WIPF1: variants seen among roughly 807,000 people sequenced by gnomAD.
The protein encoded by WIPF1 is WAS/WASL interacting protein family member 1.
In WIPF1, 13 loss-of-function variants were observed where a neutral mutation model predicts 35.4. That is an observed-to-expected ratio of 0.37 (90% CI 0.24 to 0.58). The LOEUF is 0.58. Ranked by LOEUF, WIPF1 falls within the 20% of genes least tolerant of loss-of-function variation. WIPF1 has a pLI of 0.74. For synonymous variants in WIPF1, 267 were observed against 266.3 expected, an observed-to-expected ratio of 1.00 and a Z score of -0.02; for missense variants, 591 against 667.0, an observed-to-expected ratio of 0.89 and a Z score of 1.25.
intron 1 of WIPF1, among the ~76,000 whole-genome samples, chr2:174,672,323 C>G (rs1201707423): frequency 6.6e-6 from 1 of 152,110 alleles, no homozygotes; most frequent in African/African-American, 2.4e-5. Context: ...ATAAAATCTG[C>G]CCAGTGTACC....
chr2:174,598,132 G>A (rs1193022147), upstream of WIPF1: 5 of 152,070 alleles, frequency 3.3e-5, no homozygotes, highest in Non-Finnish European at 1.5e-5. Context: ...TTGAGTAATA[G>A]GGAAAAGAGT....
rs1490487724 is a variant in WIPF1 at position 174,560,571 on chromosome 2, A to T, written c.*1976T>A. On this transcript the variant is annotated 3_prime_UTR_variant, in exon 8 of 8. Transcript: ENST00000679041. ...CTAAATTACCAAACTGCTAGAGATT[A>T]AAAAAATTTTTTTTTAAAAAGCCAA... The T allele has an allele frequency of 2.0e-5, 3 of 152,602 alleles. No individual in the cohort carries two copies. The East Asian group carries it at 5.8e-4, about 29-fold the overall frequency. The allele number at this position is 152,602 out of a possible 1,614,324, so 9.5% of individuals were successfully genotyped here. A position where few individuals can be genotyped will look rare whatever the true frequency, so the allele number is the denominator to read the frequency against.
rs561019457 is a variant in WIPF1, at chr2:174,653,674, G to A, written c.-39+29100C>T. Among the ~76,000 whole-genome samples, 12 of 150,584 alleles carry A rather than the reference G, an allele frequency of 8.0e-5. No homozygotes were observed. In the South Asian group the frequency reaches 1.9e-3, roughly 24 times the overall value. On this transcript the variant is annotated intron_variant, in intron 1 of 8. Transcript: ENST00000272746. The stretch of plus-strand genomic sequence containing the variant: ...GGAGAATGGCGTGAACCTGGGAGGC[G>A]GAGCTTGCAGTGAGCCGAGATCACG...
chr2:174,680,079 T>C (rs1688216987), intron 1 of WIPF1, among the ~76,000 whole-genome samples: 1 of 152,258 alleles, frequency 6.6e-6, no homozygotes, highest in African/African-American at 2.4e-5. Context: ...CCCTGTTCCC[T>C]GTATTTGGTC....
chr2:174,667,550 G>A (rs1687918732), intron 1 of WIPF1, among the ~76,000 whole-genome samples: 1 of 152,170 alleles, frequency 6.6e-6, no homozygotes, highest in Non-Finnish European at 1.5e-5. Context: ...AGGATCCCTG[G>A]TCATTGTTTT....
intron 1 of WIPF1, among the ~76,000 whole-genome samples, chr2:174,647,725 G>A (rs1231201381): frequency 6.6e-6 from 1 of 151,938 alleles, no homozygotes; most frequent in Non-Finnish European, 1.5e-5. Flanking sequence ...AAGCCTCATG[G>A]CTAATGAGAA....
chr2:174,585,966 T>C (rs895562269), intron 1 of WIPF1, among the ~76,000 whole-genome samples: 6 of 152,206 alleles, frequency 3.9e-5, no homozygotes, highest in Non-Finnish European at 8.8e-5. Flanking sequence ...CAAATTCACT[T>C]CAAGTGGCTT....
intron 1 of WIPF1, among the ~76,000 whole-genome samples, chr2:174,662,445 C>T (rs1404862867): frequency 1.3e-5 from 2 of 152,178 alleles, no homozygotes; most frequent in East Asian, 1.9e-4. Context: ...GGATACAGGT[C>T]AGCTGGACCT....
intron 1 of WIPF1, among the ~76,000 whole-genome samples, chr2:174,650,329 C>G (rs1687508889): frequency 6.6e-6 from 1 of 152,198 alleles, no homozygotes; most frequent in Non-Finnish European, 1.5e-5. Flanking sequence ...ACAGAGGAAT[C>G]CCTCATTCTC....
chr2:174,617,096 A>G lies in WIPF1; in HGVS notation c.-38-31485T>C, dbSNP rs370023084. Among the ~76,000 whole-genome samples, 6 of 152,274 alleles carry G rather than the reference A, an allele frequency of 3.9e-5. No homozygotes were observed. The East Asian group carries it at 7.7e-4, about 20-fold the overall frequency. Reference sequence around the variant, plus strand: ...GTTCAGAACATTTAGGGCCCATGTTACATGTGGGGATAATTAAAATGTTTT... The same window carrying G: ...GTTCAGAACATTTAGGGCCCATGTTGCATGTGGGGATAATTAAAATGTTTT... On this transcript the variant is annotated intron_variant, in intron 1 of 8. Transcript: ENST00000272746.
chr2:174,674,890 T>C (rs1019204919), intron 1 of WIPF1, among the ~76,000 whole-genome samples: 2 of 144,024 alleles, frequency 1.4e-5, no homozygotes, highest in Non-Finnish European at 3.0e-5. Flanking sequence ...TTCTGTAAGT[T>C]GGCAGGTTCA....
At chr2:174,592,534 T>G (rs1685648906) in intron 1 of WIPF1, among the ~76,000 whole-genome samples, 2 of 151,974 alleles carry the variant, frequency 1.3e-5, no homozygotes, top group African/African-American at 4.8e-5. Flanking sequence ...ATAATATAAC[T>G]GGATAGATTC....
At chr2:174,662,153 G>A (rs1048728982) in intron 1 of WIPF1, among the ~76,000 whole-genome samples, 7 of 152,102 alleles carry the variant, frequency 4.6e-5, no homozygotes, top group African/African-American at 1.7e-4. Flanking sequence ...TAAAACCTAT[G>A]CATATCCTTC....
chr2:174,632,724 A>G (rs1207299472), intron 1 of WIPF1, among the ~76,000 whole-genome samples: 2 of 151,518 alleles, frequency 1.3e-5, no homozygotes, highest in East Asian at 1.9e-4. Context: ...AAAAAAAAAA[A>G]AAAAAAAAAA....
At chr2:174,602,960 A>G (rs1686052929) in intron 1 of WIPF1, among the ~76,000 whole-genome samples, 1 of 152,220 alleles carries the variant, frequency 6.6e-6, no homozygotes, top group Non-Finnish European at 1.5e-5. Flanking sequence ...CATGTGATTC[A>G]AGGCTGGCTA....
At chr2:174,656,573 C>G (rs1162890485) in intron 1 of WIPF1, among the ~76,000 whole-genome samples, 1 of 152,184 alleles carries the variant, frequency 6.6e-6, no homozygotes, top group African/African-American at 2.4e-5. Context: ...AAAGATATTC[C>G]TACTCTTTTG....
intron 2 of WIPF1, among the ~76,000 whole-genome samples, chr2:174,583,743 A>G (rs1685309785): frequency 6.6e-6 from 1 of 152,212 alleles, no homozygotes; most frequent in South Asian, 2.1e-4. Context: ...TTTTGGGGAA[A>G]CATGGATAAA....
intron 5 of WIPF1, among the ~76,000 whole-genome samples, chr2:174,570,891 A>G (rs1433588237): frequency 6.6e-6 from 1 of 152,252 alleles, no homozygotes; most frequent in Non-Finnish European, 1.5e-5. Flanking sequence ...TCAAGTGAGC[A>G]TATTCTACTA....
At chr2:174,578,760 G>A (rs969377054) in intron 3 of WIPF1, among the ~76,000 whole-genome samples, 6 of 152,170 alleles carry the variant, frequency 3.9e-5, no homozygotes, top group African/African-American at 1.4e-4. Flanking sequence ...TGCTGTGGAA[G>A]AAATAATCTG....
Sources: gnomAD v4.1 joint callset for allele counts (sites outside exome capture counted in the v4.1 genomes callset) on GRCh38, gnomAD v4.1.1 for gene constraint, MANE v1.5 for transcripts, NCBI Gene and HGNC (gene_info 2026-07-23, HGNC 2026-07-21) for gene names.